The following SCN7A variants were observed in gnomAD, a reference collection of about 807,000 sequenced individuals.
SCN7A encodes sodium channel protein type 7 subunit alpha.
A neutral mutation model predicts 155.2 loss-of-function variants in SCN7A; 138 were observed. That is an observed-to-expected ratio of 0.89 (90% CI 0.77 to 1.02). The LOEUF (loss-of-function observed/expected upper bound fraction) is 1.02, where lower values mean the gene tolerates loss of function less well. Ranked by LOEUF, SCN7A falls within the 50% of genes least tolerant of loss-of-function variation. The probability of loss-of-function intolerance (pLI) is 0.00; values close to 1 mark genes in which losing one functional copy is unlikely to be tolerated. For missense variants in SCN7A, 2,058 were observed against 1,986.6 expected (o/e 1.04, Z -0.68); for synonymous variants, 693 against 649.0 (o/e 1.07, Z -1.03).
At chr2:166,410,049 C>T (rs1313015054) in intron 24 of SCN7A, 114 bp from the exon 25 acceptor site, 1 of 1,256,282 alleles carries the variant, frequency 8.0e-7, no homozygotes, top group Non-Finnish European at 1.1e-6. Context: ...AAGTGTGAAC[C>T]TAAATTTTTG....
At chr2:166,445,503 A>G (rs994268381) in intron 12 of SCN7A, among the ~76,000 whole-genome samples, 1 of 152,210 alleles carries the variant, frequency 6.6e-6, no homozygotes, top group African/African-American at 2.4e-5. Flanking sequence ...GAATTCAAAA[A>G]CAGAAATACT....
At chr2:166,415,439 G>A (rs149141059) in intron 21 of SCN7A, among the ~76,000 whole-genome samples, 6,264 of 151,826 alleles carry the variant, frequency 0.041, 156 homozygotes, top group African/African-American at 0.049. Context: ...TGGCTAGGAC[G>A]GTCTTGATCT....
intron 25 of SCN7A, among the ~76,000 whole-genome samples, chr2:166,407,780 A>G (rs1470127691): frequency 2.6e-5 from 4 of 151,796 alleles, no homozygotes; most frequent in African/African-American, 9.7e-5. Flanking sequence ...ACCAGGATAC[A>G]TGTGCAGAAC....
intron 2 of SCN7A, among the ~76,000 whole-genome samples, chr2:166,478,498 A>T (rs1702850891): frequency 6.6e-6 from 1 of 151,790 alleles, no homozygotes. Flanking sequence ...TTCTTCCCCC[A>T]GCTGTCTATA....
chr2:166,470,574 T>C, intron 7 of SCN7A, 41 bp downstream of exon 7: 1 of 1,534,998 alleles, frequency 6.5e-7, no homozygotes, highest in Non-Finnish European at 8.9e-7. Flanking sequence ...TGGCAGTACA[T>C]AAAACAAAAT....
intron 11 of SCN7A, among the ~76,000 whole-genome samples, chr2:166,454,061 T>C (rs1314346850): frequency 3.3e-5 from 5 of 152,008 alleles, no homozygotes; most frequent in African/African-American, 4.8e-5. Flanking sequence ...TATGGTAAAA[T>C]TGGGAAATAT....
chr2:166,410,759 A>C (rs1428517213), intron 23 of SCN7A, among the ~76,000 whole-genome samples: 1 of 151,950 alleles, frequency 6.6e-6, no homozygotes, highest in African/African-American at 2.4e-5. Flanking sequence ...ATATTGCTTT[A>C]TTTTTCAAAT....
chr2:166,438,143 G>A (rs1701878116), intron 15 of SCN7A, among the ~76,000 whole-genome samples: 1 of 152,058 alleles, frequency 6.6e-6, no homozygotes, highest in Admixed American at 6.6e-5. Context: ...GTTATGGGAG[G>A]GACTTGGTGG....
At chr2:166,412,809 AGGATATCATT>A in intron 22 of SCN7A, 142 bp from the exon 23 acceptor site, 1 of 1,292,328 alleles carries the variant, frequency 7.7e-7, no homozygotes, top group South Asian at 1.8e-5. Flanking sequence ...GTTTGGTAAA[AGGATATCATT>A]GCTTTGTATG....
chr2:166,429,379 A>C, intron 16 of SCN7A, 105 bp from the exon 17 acceptor site: 1 of 699,312 alleles, frequency 1.4e-6, no homozygotes, highest in Non-Finnish European at 2.4e-6. Context: ...TTGTACAGAA[A>C]TAATATTATT....
intron 15 of SCN7A, among the ~76,000 whole-genome samples, chr2:166,433,348 A>ACTAAAAAAGG (rs985733822): frequency 4.6e-5 from 7 of 152,150 alleles, no homozygotes; most frequent in Admixed American, 3.3e-4. Flanking sequence ...AATAAATTTG[A>ACTAAAAAAGG]CTAAAAAAGG....
chr2:166,475,893 A>G (rs1201341897), intron 3 of SCN7A, among the ~76,000 whole-genome samples: 1 of 151,980 alleles, frequency 6.6e-6, no homozygotes, highest in Non-Finnish European at 1.5e-5. Context: ...CTAGACCAAG[A>G]GTAACTCTGG....
At chr2:166,439,055 G>GTGTGTATATATATATA (rs375208870) in intron 15 of SCN7A, among the ~76,000 whole-genome samples, 2,053 of 113,190 alleles carry the variant, frequency 0.018, 43 homozygotes, top group Admixed American at 0.03. Flanking sequence ...GTGTGTGTGT[G>GTGTGTATATATATATA]TATATATATA....
chr2:166,432,932 C>G (rs1424013811), intron 15 of SCN7A, among the ~76,000 whole-genome samples, 180 bp from the exon 16 acceptor site: 1 of 152,014 alleles, frequency 6.6e-6, no homozygotes, highest in Non-Finnish European at 1.5e-5. Flanking sequence ...ATCTTTTGAA[C>G]TTATTCTTCC....
At chr2:166,425,963 C>A (rs1244752622) in intron 18 of SCN7A, among the ~76,000 whole-genome samples, 2 of 152,018 alleles carry the variant, frequency 1.3e-5, no homozygotes, top group African/African-American at 4.8e-5. Context: ...ATGGGGGTCA[C>A]AGTTAACTCC....
In SCN7A at chr2:166,432,689, C is replaced by T. The variant is rs761418258; in HGVS notation, c.2221G>A (p.Glu741Lys). ...FSSCKDVTAE[E>K]NNEAKNLQLA... ...TGGAGATTTTTTGCTTCATTATTCTCTTCAGCTGTTACATCCTTGCATGAA... is the reference window on the plus strand; with the variant it reads ...TGGAGATTTTTTGCTTCATTATTCTTTTCAGCTGTTACATCCTTGCATGAA... The change falls in exon 16 of 26, where the codon GAG (glutamate) becomes AAG (lysine). Residue 741 changes from glutamate (E) to lysine (K), a missense_variant. Transcript: ENST00000643258. 3.8e-6 allele frequency: 6 copies of T among 1,598,784 alleles called. No individual in the cohort carries two copies. In the Admixed American group the frequency reaches 1.0e-4, roughly 28 times the overall value.
chr2:166,413,957 C>T (rs1335288465), intron 21 of SCN7A, among the ~76,000 whole-genome samples: 1 of 79,600 alleles, frequency 1.3e-5, no homozygotes, highest in Non-Finnish European at 2.4e-5. Context: ...TAATAAACTC[C>T]CCTTTATATA....
intron 3 of SCN7A, 39 bp downstream of exon 3, chr2:166,477,424 A>G (rs1479457435): frequency 8.2e-7 from 1 of 1,217,998 alleles, no homozygotes; most frequent in Admixed American, 3.2e-5. Flanking sequence ...GAAATAAAAT[A>G]ATAAAAATGT....
intron 12 of SCN7A, among the ~76,000 whole-genome samples, chr2:166,445,860 C>G (rs991241115): frequency 1.3e-5 from 2 of 152,230 alleles, no homozygotes; most frequent in Middle Eastern, 3.4e-3. Flanking sequence ...ATCCTTCCAC[C>G]ATATACAAAA....
Sources: gnomAD v4.1 joint callset for allele counts (sites outside exome capture counted in the v4.1 genomes callset) on GRCh38, gnomAD v4.1.1 for gene constraint, MANE v1.5 for transcripts, NCBI Gene and HGNC (gene_info 2026-07-23, HGNC 2026-07-21) for gene names.